ADAM20: variants seen among roughly 807,000 people sequenced by gnomAD.
The protein encoded by ADAM20 is disintegrin and metalloproteinase domain-containing protein 20.
For missense variants in ADAM20, 871 were observed against 883.2 expected, an observed-to-expected ratio of 0.99 and a Z score of 0.18; for synonymous variants, 305 against 310.2, an observed-to-expected ratio of 0.98 and a Z score of 0.18.
chr14:70,531,763 G>T (rs191706978), intron 1 of ADAM20, among the ~76,000 whole-genome samples: 19 of 151,718 alleles, frequency 1.3e-4, no homozygotes, highest in Non-Finnish European at 2.7e-4. Flanking sequence ...GCATCAGAAA[G>T]AATAAAATAC....
the ADAM20 span, chr14:70,557,104 G>C: frequency 6.6e-6 from 1 of 152,006 alleles, no homozygotes; most frequent in African/African-American, 2.4e-5. Flanking sequence ...TAATTTGTGT[G>C]AGAGTGCACT....
Position 70,522,880 on chromosome 14 carries a change from G to A in ADAM20, c.1878C>T (p.Ala626=). The part of the protein sequence containing the change: ...PEKICIRKKC[A]SMVHLSQACQ... ...AGGCTTGTGACAGATGAACCATACT[G>A]GCACACTTCTTACGGATGCAGATCT... Residue 626 remains alanine, a synonymous_variant, in exon 2 of 2, where the codon GCC becomes GCT. Coordinates refer to ENST00000256389, the MANE Select transcript of ADAM20 (RefSeq NM_003814.5). The A allele has an allele frequency of 6.2e-7, 1 of 1,614,004 alleles. No individual in the cohort carries two copies.
chr14:70,569,018 T>C, the ADAM20 span, among the ~76,000 whole-genome samples: 1 of 151,652 alleles, frequency 6.6e-6, no homozygotes, highest in Non-Finnish European at 1.5e-5. Flanking sequence ...ACCTTAAAGG[T>C]AGCTAGAGAA....
chr14:70,569,792 G>C, the ADAM20 span, among the ~76,000 whole-genome samples: 1 of 142,028 alleles, frequency 7.0e-6, no homozygotes, highest in Non-Finnish European at 1.5e-5. Context: ...ACAAATACTA[G>C]TAGACTTCAG....
At chr14:70,558,454 G>C in the ADAM20 span, among the ~76,000 whole-genome samples, 1,181 of 152,202 alleles carry the variant, frequency 7.8e-3, 19 homozygotes, top group African/African-American at 0.027. Flanking sequence ...TCAAACATAT[G>C]TATCTGTGTG....
Position 70,524,288 on chromosome 14 carries a change from A to G in ADAM20, c.470T>C (p.Leu157Pro). The G allele has an allele frequency of 6.2e-7, 1 of 1,614,042 alleles. No individual in the cohort carries two copies. The highest frequency in any genetic ancestry group is 8.5e-7 in the Non-Finnish European group (1 of 1,179,950). Residue 157 changes from leucine (L) to proline (P), a missense_variant, in exon 2 of 2, where the codon CTA (leucine) becomes CCA (proline). Coordinates refer to ENST00000256389, the MANE Select transcript of ADAM20 (RefSeq NM_003814.5). ...PISVSATFEH[L>P]VYKIDSDDTQ... The stretch of plus-strand genomic sequence containing the variant: ...ATCATCACTGTCTATCTTATATACT[A>G]GGTGTTCAAATGTGGCAGAAACACT...
At position 70,524,418 on chromosome 14, in the gene ADAM20, A is replaced by G. The variant is rs140811379; in HGVS notation, c.340T>C (p.Tyr114His). The stretch of plus-strand genomic sequence containing the variant: ...AAGGACTCAGGGACCCCCTCCACAT[A>G]ACCATGGTAGTAGCAGTCATCCTGG... ...FIQDDCYYHGYVEGVPESLVA... is the reference protein window; with the variant it reads ...FIQDDCYYHGHVEGVPESLVA... Residue 114 changes from tyrosine (Y) to histidine (H), a missense_variant, in exon 2 of 2, where the codon TAT (tyrosine) becomes CAT (histidine). Tyr to His is a moderately conservative substitution (Grantham distance 83, BLOSUM62 2). Transcript: ENST00000256389. 6.2e-6 allele frequency: 10 copies of G among 1,613,872 alleles called. No homozygotes were observed. The highest frequency in any genetic ancestry group is 8.5e-6 in the Non-Finnish European group (10 of 1,179,932).
rs145480670 is a variant in ADAM20 at position 70,524,187 on chromosome 14, T to C, written c.571A>G (p.Asn191Asp). The C allele has an allele frequency of 6.0e-5, 97 of 1,613,870 alleles. No individual in the cohort carries two copies. The African/African-American group carries it at 1.1e-3, about 19-fold the overall frequency. Reference protein sequence around the residue: ...AHQMELQLSYNFTLKQSSFVG... With the variant: ...AHQMELQLSYDFTLKQSSFVG... ...AAAGAACTTTGCTTCAGAGTGAAAT[T>C]ATATGACAATTGCAACTCCATCTGG... The change falls in exon 2 of 2, where the codon AAT becomes GAT. Residue 191 changes from asparagine to aspartate, a missense_variant. By Grantham distance (23) the Asn-to-Asp change is conservative. Transcript: ENST00000256389.
the ADAM20 span, among the ~76,000 whole-genome samples, chr14:70,570,803 CAG>C: frequency 6.7e-6 from 1 of 149,740 alleles, no homozygotes; most frequent in Admixed American, 6.6e-5. Context: ...AGCAAGGACA[CAG>C]AAAAAAAAAA....
chr14:70,553,639 T>C, the ADAM20 span, among the ~76,000 whole-genome samples: 39 of 149,622 alleles, frequency 2.6e-4, 1 homozygote, highest in Admixed American at 1.7e-3. Context: ...GTTCAACATA[T>C]GCAAATCAAT....
the ADAM20 span, among the ~76,000 whole-genome samples, chr14:70,565,106 T>C: frequency 6.7e-6 from 1 of 150,272 alleles, no homozygotes; most frequent in African/African-American, 2.4e-5. Context: ...TACTAGAAAA[T>C]TGGATTTTAT....
At chr14:70,574,826 T>C in the ADAM20 span, among the ~76,000 whole-genome samples, 1 of 151,754 alleles carries the variant, frequency 6.6e-6, no homozygotes, top group Non-Finnish European at 1.5e-5. Context: ...AAACGCAGCA[T>C]ATATATATAA....
chr14:70,557,227 A>G, the ADAM20 span: 1 of 152,196 alleles, frequency 6.6e-6, no homozygotes, highest in South Asian at 2.1e-4. Context: ...TACAGTTGAT[A>G]TTGGGCAAGT....
At chr14:70,545,351 CAG>C in the ADAM20 span, among the ~76,000 whole-genome samples, 1 of 152,272 alleles carries the variant, frequency 6.6e-6, no homozygotes, top group African/African-American at 2.4e-5. Context: ...AGGGATGGTG[CAG>C]AGATTGTGAG....
In ADAM20 at chr14:70,533,102, A is replaced by T. The variant is rs566008263; in HGVS notation, c.-177+1695T>A. ...AATTATTAAAAAGTCAGGAAATAACAGATGTTAGAGAGGATGTGGAGAAAT... is the reference window on the plus strand; with the variant it reads ...AATTATTAAAAAGTCAGGAAATAACTGATGTTAGAGAGGATGTGGAGAAAT... On this transcript the variant is annotated intron_variant, in intron 1 of 1. Coordinates refer to ENST00000256389, the MANE Select transcript of ADAM20 (RefSeq NM_003814.5). 2.0e-4 allele frequency among the ~76,000 whole-genome samples: 31 copies of T among 152,304 alleles called. 1 individual carries two copies. In the South Asian group the frequency reaches 5.8e-3, roughly 28 times the overall value.
the ADAM20 span, among the ~76,000 whole-genome samples, chr14:70,562,592 G>A: frequency 1.3e-5 from 2 of 152,190 alleles, no homozygotes; most frequent in African/African-American, 4.8e-5. Context: ...CTTGGTTGGA[G>A]GTGACTGGAT....
upstream of ADAM20, among the ~76,000 whole-genome samples, chr14:70,535,392 A>T (rs923999720): frequency 6.6e-6 from 1 of 152,216 alleles, no homozygotes; most frequent in Non-Finnish European, 1.5e-5. Flanking sequence ...ACGTCAAGGG[A>T]AAGGGAAGAA....
the ADAM20 span, among the ~76,000 whole-genome samples, chr14:70,568,270 G>A: frequency 6.6e-6 from 1 of 152,032 alleles, no homozygotes; most frequent in Admixed American, 6.6e-5. Flanking sequence ...CACAACCAAC[G>A]TACCCATATA....
the ADAM20 span, among the ~76,000 whole-genome samples, chr14:70,570,581 G>C: frequency 6.6e-6 from 1 of 152,074 alleles, no homozygotes; most frequent in Non-Finnish European, 1.5e-5. Flanking sequence ...GAAAGATATT[G>C]AAATCTTGAA....
Sources: gnomAD v4.1 joint callset for allele counts (sites outside exome capture counted in the v4.1 genomes callset) on GRCh38, gnomAD v4.1.1 for gene constraint, MANE v1.5 for transcripts, NCBI Gene and HGNC (gene_info 2026-07-23, HGNC 2026-07-21) for gene names.